Variants in STS observed in about 807,000 individuals in gnomAD.
STS encodes steroid sulfatase.
In STS, 7 loss-of-function variants were observed where a neutral mutation model predicts 26.8. The observed-to-expected ratio is 0.26, with a 90% CI of 0.15 to 0.49. The LOEUF is 0.49. Among genes scored for constraint, STS ranks in the 20% least tolerant of loss-of-function variants. The pLI is 0.98. For missense variants in STS, 434 were observed against 465.6 expected, an observed-to-expected ratio of 0.93 and a Z score of 0.63; for synonymous variants, 199 against 189.4, an observed-to-expected ratio of 1.05 and a Z score of -0.42.
At chrX:7,345,226 C>G (rs1928474958) in intron 10 of STS, among the ~76,000 whole-genome samples, 1 of 111,813 alleles carries the variant, frequency 8.9e-6, no homozygotes, top group African/African-American at 3.3e-5. Context: ...GTTTTTATTT[C>G]TGTAACCGGT....
intron 7 of STS, among the ~76,000 whole-genome samples, chrX:7,285,306 A>G (rs1487956913): frequency 9.0e-6 from 1 of 111,596 alleles, no homozygotes; most frequent in East Asian, 2.8e-4. Flanking sequence ...GTGTTTGGAA[A>G]ATGGAAGTAC....
At chrX:7,244,113 G>C (rs150609230) in intron 2 of STS, among the ~76,000 whole-genome samples, 1,209 of 111,600 alleles carry the variant, frequency 0.011, 6 homozygotes, top group Non-Finnish European at 0.016. Context: ...TAATGTGTAG[G>C]AGTAAGGATT....
chrX:7,248,438 C>T (rs1365886160), intron 2 of STS, among the ~76,000 whole-genome samples: 1 of 111,722 alleles, frequency 9.0e-6, no homozygotes, highest in African/African-American at 3.3e-5. Flanking sequence ...CCAAGCTAAA[C>T]ATGCAAGCAT....
At chrX:7,302,370 T>A (rs958231915) in intron 7 of STS, among the ~76,000 whole-genome samples, 91 of 111,653 alleles carry the variant, frequency 8.2e-4, no homozygotes, top group African/African-American at 2.9e-3. Context: ...GTAATTAGGC[T>A]TAAATTAGTG....
At chrX:7,284,726 G>A (rs1029846563) in intron 7 of STS, among the ~76,000 whole-genome samples, 7 of 112,263 alleles carry the variant, frequency 6.2e-5, no homozygotes, top group African/African-American at 9.7e-5. Context: ...GAACAGAGCA[G>A]GAAGCCCAGA....
intron 1 of STS, among the ~76,000 whole-genome samples, chrX:7,188,302 C>A (rs1933810506): frequency 1.8e-5 from 2 of 111,270 alleles, no homozygotes; most frequent in South Asian, 7.8e-4. Context: ...TGGGAGAAGA[C>A]CATGCTTTGT....
intron 1 of STS, among the ~76,000 whole-genome samples, chrX:7,154,016 C>T (rs1202375687): frequency 9.0e-6 from 1 of 110,717 alleles, no homozygotes; most frequent in Non-Finnish European, 1.9e-5. Context: ...TTCTTTCCCT[C>T]CTGACATTTC....
intron 2 of STS, among the ~76,000 whole-genome samples, chrX:7,247,798 A>G (rs1922955732): frequency 9.0e-6 from 1 of 111,718 alleles, no homozygotes; most frequent in African/African-American, 3.3e-5. Flanking sequence ...ATATCCTGCA[A>G]TGCACAGGAC....
At chrX:7,156,688 A>G (rs1167312724) in intron 1 of STS, among the ~76,000 whole-genome samples, 2 of 112,375 alleles carry the variant, frequency 1.8e-5, no homozygotes, top group Non-Finnish European at 3.7e-5. Context: ...TAATAAAGCT[A>G]TAACTTGAAA....
intron 8 of STS, among the ~76,000 whole-genome samples, chrX:7,320,222 A>G (rs372526155): frequency 3.9e-5 from 4 of 103,061 alleles, no homozygotes; most frequent in African/African-American, 1.4e-4. Flanking sequence ...GTTTAGATTG[A>G]TGGAGAATTA....
At chrX:7,324,781 T>C (rs1439974331) in intron 8 of STS, among the ~76,000 whole-genome samples, 2 of 111,799 alleles carry the variant, frequency 1.8e-5, no homozygotes, top group Non-Finnish European at 3.8e-5. Context: ...TCTATTCTGT[T>C]AGTCGAGGGG....
At position 7,325,418 on chromosome X, in the gene STS, G is replaced by T. The variant is rs1411402990; in HGVS notation, c.1161G>T (p.Gln387His). The T allele has an allele frequency of 1.7e-6, 2 of 1,209,542 alleles. No individual in the cohort carries two copies. ...LRWPRVIQAG[Q>H]KIDEPTSNMD... The stretch of plus-strand genomic sequence containing the variant: ...GGCCCAGGGTGATACAGGCTGGCCA[G>T]AAGATTGATGAGCCCACTAGCAACA... Residue 387 changes from glutamine to histidine, a missense_variant, in exon 9 of 11, where the codon CAG (glutamine) becomes CAT (histidine). Transcript: ENST00000674429.
Position 7,323,368 on chromosome X carries a change from A to T in STS, c.1082-1971A>T, listed in dbSNP as rs189157590. Among the ~76,000 whole-genome samples the T allele has an allele frequency of 2.5e-3, 276 of 110,152 alleles. 2 individuals carry two copies. Among genetic ancestry groups the T allele is most frequent in the African/African-American group, 8.3e-3 (251 of 30,243 alleles). On this transcript the variant is annotated intron_variant, in intron 8 of 10. Transcript: ENST00000674429. ...GTACCTGATAGTTTTTCACTCCTTG[A>T]CCTCCTCCCTCTTTCCCCCCTAGTA...
At chrX:7,325,917 G>A (rs1490179319) in intron 9 of STS, among the ~76,000 whole-genome samples, 1 of 112,014 alleles carries the variant, frequency 8.9e-6, no homozygotes, top group East Asian at 2.8e-4. Flanking sequence ...CTGGAACGGG[G>A]GTCTTATGAC....
intron 6 of STS, among the ~76,000 whole-genome samples, chrX:7,273,309 A>C (rs1395727833): frequency 8.9e-6 from 1 of 111,835 alleles, no homozygotes; most frequent in Non-Finnish European, 1.9e-5. Flanking sequence ...GCAGAGAATC[A>C]TCTCAGTCTC....
At chrX:7,250,793 T>A (rs1312082356) in intron 2 of STS, among the ~76,000 whole-genome samples, 2 of 112,030 alleles carry the variant, frequency 1.8e-5, no homozygotes, top group Non-Finnish European at 3.8e-5. Context: ...ACTTAGGTGT[T>A]TCTAAGCATT....
chrX:7,248,892 A>C (rs2147077086), intron 2 of STS, among the ~76,000 whole-genome samples: 1 of 110,981 alleles, frequency 9.0e-6, no homozygotes, highest in East Asian at 2.9e-4. Flanking sequence ...TACTTATTTA[A>C]AAAAAATAAT....
At chrX:7,324,854 G>C (rs138298242) in intron 8 of STS, among the ~76,000 whole-genome samples, 64 of 111,502 alleles carry the variant, frequency 5.7e-4, no homozygotes, top group African/African-American at 1.8e-3. Flanking sequence ...GACAATGCAG[G>C]GTAATCTCCT....
intron 1 of STS, among the ~76,000 whole-genome samples, chrX:7,174,145 C>T (rs1284894732): frequency 8.9e-6 from 1 of 111,745 alleles, no homozygotes; most frequent in African/African-American, 3.3e-5. Flanking sequence ...AAAAAAGAAG[C>T]ATTGAAAGAA....
Sources: allele counts gnomAD v4.1 joint callset (sites outside exome capture counted in the v4.1 genomes callset), GRCh38; gene constraint gnomAD v4.1.1; transcripts MANE v1.5; gene names NCBI Gene and HGNC (gene_info 2026-07-23, HGNC 2026-07-21).